Variants in ITPR2 observed in about 807,000 individuals in gnomAD.
ITPR2 encodes inositol 1,4,5-trisphosphate-gated calcium channel ITPR2.
A neutral mutation model predicts 317.1 loss-of-function variants in ITPR2; 207 were observed. That is an observed-to-expected ratio of 0.65 (90% CI 0.58 to 0.73). ITPR2 has a LOEUF of 0.73. Ranked by LOEUF, ITPR2 falls within the 30% of genes least tolerant of loss-of-function variation. The pLI, the probability that ITPR2 is intolerant of heterozygous loss-of-function variation, is 0.00. For missense variants in ITPR2, 2,613 were observed against 3,284.0 expected (o/e 0.80, Z 4.99); for synonymous variants, 1,156 against 1,149.1 (o/e 1.01, Z -0.12).
intron 9 of ITPR2, among the ~76,000 whole-genome samples, chr12:26,696,077 A>C (rs758775478): frequency 1.3e-5 from 2 of 152,232 alleles, no homozygotes; most frequent in Non-Finnish European, 2.9e-5. Flanking sequence ...AAGAAAAACA[A>C]AACAGAGCAA....
intron 37 of ITPR2, among the ~76,000 whole-genome samples, chr12:26,511,477 G>A (rs911709692): frequency 6.6e-6 from 1 of 152,322 alleles, no homozygotes; most frequent in Non-Finnish European, 1.5e-5. Flanking sequence ...AAGGTAGAGT[G>A]ATTGTTCATC....
In ITPR2 at chr12:26,487,113, T is replaced by A; in HGVS notation, c.5509A>T (p.Arg1837Trp). The A allele has an allele frequency of 6.2e-7, 1 of 1,610,584 alleles. No individual in the cohort carries two copies. Among genetic ancestry groups the A allele is most frequent in the South Asian group, 1.1e-5 (1 of 90,648 alleles). The change falls in exon 40 of 57, where the codon AGG becomes TGG. Residue 1837 changes from arginine to tryptophan, a missense_variant. Physicochemically the swap from Arg to Trp is moderately radical, Grantham distance 101. Around this residue, in one of 9 missense-constraint regions of ITPR2, gnomAD observed 926 missense variants for 1,072.8 expected, o/e 0.86. Transcript: ENST00000381340. ...VNTIDLGNKK[R>W]DDDNELMTSG... The stretch of plus-strand genomic sequence containing the variant: ...GTCATCAATTCATTGTCATCGTCCC[T>A]TTTTTTGTTACCTAAATCTATGGTA...
Position 26,682,048 on chromosome 12 carries a change from C to T in ITPR2, c.1249-14G>A, listed in dbSNP as rs943660390. The stretch of plus-strand genomic sequence containing the variant: ...GCAGGTTCCAATCTGAAATGTTTTT[C>T]CATTAAGCTTAGTTTTATAAACAAC... On this transcript the variant is annotated splice_polypyrimidine_tract_variant and intron_variant, in intron 12 of 56. Transcript: ENST00000381340. 7.5e-6 allele frequency: 12 copies of T among 1,605,336 alleles called. No homozygotes were observed. Among genetic ancestry groups the T allele is most frequent in the South Asian group, 3.3e-5 (3 of 90,398 alleles).
At chr12:26,545,155 C>T (rs1318713222) in intron 37 of ITPR2, among the ~76,000 whole-genome samples, 2 of 152,174 alleles carry the variant, frequency 1.3e-5, no homozygotes, top group African/African-American at 4.8e-5. Flanking sequence ...TAATGGCCCT[C>T]CCCAAAGATG....
chr12:26,641,799 ATG>A (rs1437942141), intron 21 of ITPR2, among the ~76,000 whole-genome samples: 1 of 151,866 alleles, frequency 6.6e-6, no homozygotes, highest in Non-Finnish European at 1.5e-5. Flanking sequence ...AGTGTAGAGC[ATG>A]TGTTTGACAC....
intron 1 of ITPR2, among the ~76,000 whole-genome samples, chr12:26,796,983 G>A (rs1950457240): frequency 6.6e-6 from 1 of 152,146 alleles, no homozygotes; most frequent in Non-Finnish European, 1.5e-5. Flanking sequence ...GTTGCAGTGA[G>A]CTGATATCAC....
chr12:26,466,676 T>C (rs1003210286), intron 45 of ITPR2, among the ~76,000 whole-genome samples: 12 of 152,346 alleles, frequency 7.9e-5, no homozygotes, highest in African/African-American at 2.9e-4. Flanking sequence ...ACTTTGCAAA[T>C]GCAGCTCACT....
intron 1 of ITPR2, among the ~76,000 whole-genome samples, chr12:26,791,525 T>G (rs1274661052): frequency 6.6e-6 from 1 of 152,152 alleles, no homozygotes; most frequent in Non-Finnish European, 1.5e-5. Flanking sequence ...ACTTCCTAAA[T>G]CAACAGATTT....
At chr12:26,748,746 T>A (rs1237572817) in intron 2 of ITPR2, among the ~76,000 whole-genome samples, 1 of 152,206 alleles carries the variant, frequency 6.6e-6, no homozygotes, top group East Asian at 1.9e-4. Flanking sequence ...AAATACCATT[T>A]CCTTCAGGAA....
intron 37 of ITPR2, among the ~76,000 whole-genome samples, chr12:26,495,745 A>G (rs1942917639): frequency 6.6e-6 from 1 of 152,242 alleles, no homozygotes; most frequent in Non-Finnish European, 1.5e-5. Flanking sequence ...GGGGAGTATC[A>G]GTTGCCTAAA....
At chr12:26,439,983 C>T (rs1941447575) in intron 46 of ITPR2, among the ~76,000 whole-genome samples, 1 of 152,214 alleles carries the variant, frequency 6.6e-6, no homozygotes, top group East Asian at 1.9e-4. Flanking sequence ...GTAACAAGGG[C>T]TTATGTAGCC....
chr12:26,485,087 T>C (rs1215918123), intron 41 of ITPR2, among the ~76,000 whole-genome samples: 1 of 152,094 alleles, frequency 6.6e-6, no homozygotes, highest in East Asian at 1.9e-4. Context: ...TGCATAAAAA[T>C]TTCTAGAAGA....
rs1249599228 is a variant in ITPR2, at chr12:26,602,649, T to C, written c.3520A>G (p.Asn1174Asp). The C allele has an allele frequency of 1.9e-6, 3 of 1,611,746 alleles. No homozygotes were observed. Among genetic ancestry groups the C allele is most frequent in the Non-Finnish European group, 1.7e-6 (2 of 1,178,370 alleles). The change falls in exon 27 of 57, where the codon AAC becomes GAC. Residue 1174 changes from asparagine to aspartate, a missense_variant. Coordinates refer to ENST00000381340, the MANE Select transcript of ITPR2 (RefSeq NM_002223.4). Reference sequence around the variant, plus strand: ...ACAATCCGGTAGTTATTGCTCTTGTTGCTGTCAATCTGAGGTTTCTTTGTT... The same window carrying C: ...ACAATCCGGTAGTTATTGCTCTTGTCGCTGTCAATCTGAGGTTTCTTTGTT... ...DGTKKPQIDSNKSNNYRIVKE... is the reference protein window; with the variant it reads ...DGTKKPQIDSDKSNNYRIVKE...
intron 54 of ITPR2, among the ~76,000 whole-genome samples, chr12:26,390,829 A>T (rs1758925965): frequency 1.3e-5 from 2 of 151,466 alleles, no homozygotes; most frequent in African/African-American, 4.8e-5. Context: ...CAAAACAAAC[A>T]AAAGAGAGAA....
chr12:26,694,889 G>A (rs947393994), intron 10 of ITPR2, among the ~76,000 whole-genome samples: 9 of 152,072 alleles, frequency 5.9e-5, no homozygotes, highest in African/African-American at 1.4e-4. Flanking sequence ...TATTTCTATC[G>A]TAAGCCTGGC....
At chr12:26,706,836 T>C (rs1032582552) in intron 9 of ITPR2, among the ~76,000 whole-genome samples, 101 of 152,204 alleles carry the variant, frequency 6.6e-4, no homozygotes, top group African/African-American at 2.4e-3. Context: ...CAAGGAGACC[T>C]GTCAGTCATT....
At chr12:26,811,611 C>CG (rs1299501353) in intron 1 of ITPR2, among the ~76,000 whole-genome samples, 4 of 149,670 alleles carry the variant, frequency 2.7e-5, no homozygotes, top group Non-Finnish European at 4.4e-5. Flanking sequence ...GGCATGAACC[C>CG]GGGGGGCAGA....
chr12:26,749,660 A>C (rs1345853997), intron 2 of ITPR2, among the ~76,000 whole-genome samples: 2 of 152,228 alleles, frequency 1.3e-5, no homozygotes, highest in Admixed American at 6.5e-5. Context: ...TACCATTTCC[A>C]ATAAAGGTCA....
chr12:26,365,489 A>T (rs1938981405), intron 55 of ITPR2, among the ~76,000 whole-genome samples: 1 of 152,194 alleles, frequency 6.6e-6, no homozygotes, highest in Non-Finnish European at 1.5e-5. Context: ...TTAAGTACAC[A>T]TGACACCCTA....
Sources: gnomAD v4.1 joint callset for allele counts (sites outside exome capture counted in the v4.1 genomes callset) on GRCh38, gnomAD v4.1.1 for gene constraint, gnomAD v4.1.1 regional missense constraint, MANE v1.5 for transcripts, NCBI Gene and HGNC (gene_info 2026-07-23, HGNC 2026-07-21) for gene names.